The following SYTL2 variants were observed in gnomAD, a reference collection of about 807,000 sequenced individuals.
SYTL2 encodes the protein synaptotagmin like 2.
SYTL2 carries 165 observed loss-of-function variants against 198.7 expected under a neutral mutation model. The observed-to-expected ratio is 0.83, with a 90% CI of 0.73 to 0.94. The LOEUF (loss-of-function observed/expected upper bound fraction) is 0.94. Ranked by LOEUF, SYTL2 falls within the 40% of genes least tolerant of loss-of-function variation. The pLI is 0.00. For synonymous variants in SYTL2, 966 were observed against 917.7 expected, an observed-to-expected ratio of 1.05 and a Z score of -0.95; for missense variants, 2,835 against 2,582.8, an observed-to-expected ratio of 1.10 and a Z score of -2.12.
intron 18 of SYTL2, among the ~76,000 whole-genome samples, chr11:85,697,750 T>C (rs951963308): frequency 1.3e-5 from 2 of 152,210 alleles, no homozygotes; most frequent in African/African-American, 4.8e-5. Flanking sequence ...ACATTACACA[T>C]TGAGTATGAG....
chr11:85,789,118 T>C (rs1381073884), intron 1 of SYTL2, among the ~76,000 whole-genome samples: 1 of 150,732 alleles, frequency 6.6e-6, no homozygotes. Flanking sequence ...TATATATTTA[T>C]TTATCATTTT....
chr11:85,844,746 AAACTGTGGTCAGTGG>A, the SYTL2 span, among the ~76,000 whole-genome samples: 3 of 152,192 alleles, frequency 2.0e-5, 1 homozygote, highest in African/African-American at 7.2e-5. Flanking sequence ...AGAAAGATTG[AAACTGTGGTCAGTGG>A]AACTCATTCT....
chr11:85,817,409 C>A, the SYTL2 span, among the ~76,000 whole-genome samples: 1 of 152,028 alleles, frequency 6.6e-6, no homozygotes, highest in Admixed American at 6.6e-5. Flanking sequence ...AAAATATATA[C>A]ACACACACAC....
intron 18 of SYTL2, 154 bp from the exon 19 acceptor site, chr11:85,696,542 G>A (rs944621958): frequency 1.5e-6 from 1 of 652,460 alleles, no homozygotes; most frequent in Non-Finnish European, 2.7e-6. Context: ...TGGGGTAGGG[G>A]GTAGGAACAC....
At chr11:85,740,079 T>C (rs144611534) in intron 4 of SYTL2, among the ~76,000 whole-genome samples, 2 of 152,300 alleles carry the variant, frequency 1.3e-5, no homozygotes, top group East Asian at 3.9e-4. Flanking sequence ...AATGCAACTT[T>C]GGTGGTGTCT....
In SYTL2 at chr11:85,724,456, T is replaced by C. The variant is rs373034805; in HGVS notation, c.4902A>G (p.Gln1634=). The C allele has an allele frequency of 8.5e-5, 137 of 1,612,700 alleles. 1 individual carries two copies. The highest frequency in any genetic ancestry group is 4.7e-4 in the Admixed American group (28 of 59,726). ...KSNGLESQVN[Q]CDKMLGGDAL... is the part of the protein sequence containing the mutation. ...CGTCTCCTCCCAACATTTTATCACATTGGTTGACTTGAGATTCCAAACCAT... is the reference window on the plus strand; with the variant it reads ...CGTCTCCTCCCAACATTTTATCACACTGGTTGACTTGAGATTCCAAACCAT... Residue 1634 remains glutamine (Q), a synonymous_variant, in exon 8 of 20, where the codon CAA becomes CAG. Transcript: ENST00000359152.
chr11:85,839,406 T>G, the SYTL2 span, among the ~76,000 whole-genome samples: 1 of 152,118 alleles, frequency 6.6e-6, no homozygotes, highest in East Asian at 1.9e-4. Context: ...GCAGCACATC[T>G]GAAGCCCATC....
At chr11:85,849,457 T>A in the SYTL2 span, among the ~76,000 whole-genome samples, 1 of 152,242 alleles carries the variant, frequency 6.6e-6, no homozygotes, top group East Asian at 1.9e-4. Flanking sequence ...CATCTTGAAT[T>A]GATTTTTGTA....
upstream of SYTL2, among the ~76,000 whole-genome samples, chr11:85,814,127 G>A (rs142827206): frequency 6.6e-6 from 1 of 152,210 alleles, no homozygotes; most frequent in Non-Finnish European, 1.5e-5. Context: ...CCCAAGGTAA[G>A]ATCTCAATTC....
At chr11:85,836,254 C>G in the SYTL2 span, among the ~76,000 whole-genome samples, 1 of 152,008 alleles carries the variant, frequency 6.6e-6, no homozygotes, top group Admixed American at 6.6e-5. Context: ...AATTTTCTAC[C>G]TTCCAAATTT....
the SYTL2 span, among the ~76,000 whole-genome samples, chr11:85,823,636 T>C: frequency 6.6e-6 from 1 of 152,212 alleles, no homozygotes; most frequent in East Asian, 1.9e-4. Flanking sequence ...CTACTAAGTA[T>C]CCGTTACTGG....
At chr11:85,762,523 A>C (rs2092125355) in intron 1 of SYTL2, among the ~76,000 whole-genome samples, 1 of 152,152 alleles carries the variant, frequency 6.6e-6, no homozygotes, top group African/African-American at 2.4e-5. Context: ...CCATTGACTA[A>C]AACTCAAAAT....
At chr11:85,844,847 C>T in the SYTL2 span, among the ~76,000 whole-genome samples, 1 of 151,890 alleles carries the variant, frequency 6.6e-6, no homozygotes, top group Non-Finnish European at 1.5e-5. Flanking sequence ...CATCACAGAG[C>T]CTGTAATCTT....
intron 5 of SYTL2, among the ~76,000 whole-genome samples, chr11:85,736,975 T>G (rs1389070756): frequency 6.6e-6 from 1 of 152,204 alleles, no homozygotes; most frequent in African/African-American, 2.4e-5. Flanking sequence ...CCAGTGATTC[T>G]TCTACCATAC....
At chr11:85,839,721 T>C in the SYTL2 span, among the ~76,000 whole-genome samples, 2 of 152,242 alleles carry the variant, frequency 1.3e-5, no homozygotes, top group Admixed American at 6.5e-5. Context: ...TCTTAGCTAT[T>C]GTAAACAGTG....
chr11:85,757,739 TG>T lies in SYTL2; in HGVS notation c.-15del. ...TAAGTCAATCATTTTGAAAAGTGCATGCAAAAATAATAGCAACAAATGTGGC... is the reference window on the plus strand; with the variant it reads ...TAAGTCAATCATTTTGAAAAGTGCATCAAAAATAATAGCAACAAATGTGGC... On this transcript the variant is annotated 5_prime_UTR_variant, in exon 2 of 20. Transcript: ENST00000359152. The T allele has an allele frequency of 1.2e-6, 2 of 1,610,304 alleles. No individual in the cohort carries two copies. Among genetic ancestry groups the T allele is most frequent in the Non-Finnish European group, 1.7e-6 (2 of 1,179,818 alleles).
chr11:85,766,641 G>T (rs2092246077), intron 1 of SYTL2, among the ~76,000 whole-genome samples: 1 of 152,192 alleles, frequency 6.6e-6, no homozygotes, highest in Non-Finnish European at 1.5e-5. Context: ...CGCAGGCCCA[G>T]ATCTCATTCT....
chr11:85,747,292 T>TA (rs34795415), intron 3 of SYTL2, among the ~76,000 whole-genome samples: 88,666 of 146,616 alleles, frequency 0.6, 26,641 homozygotes, highest in Middle Eastern at 0.65. Context: ...CTATGTCTAT[T>TA]AAAAAAAAAA....
chr11:85,717,337 C>A (rs1371014936), intron 11 of SYTL2, 146 bp downstream of exon 11: 2 of 640,586 alleles, frequency 3.1e-6, no homozygotes, highest in Non-Finnish European at 5.4e-6. Flanking sequence ...TCAATAAAAC[C>A]CTTATCGTAA....
Sources: allele counts gnomAD v4.1 joint callset (sites outside exome capture counted in the v4.1 genomes callset), GRCh38; gene constraint gnomAD v4.1.1; transcripts MANE v1.5; gene names NCBI Gene and HGNC (gene_info 2026-07-23, HGNC 2026-07-21).